KRT85: variants seen among roughly 807,000 people sequenced by gnomAD.
KRT85 encodes the protein keratin, type II cuticular Hb5.
A neutral mutation model predicts 53.7 loss-of-function variants in KRT85; 39 were observed. The observed-to-expected ratio is 0.73, with a 90% CI of 0.56 to 0.95. KRT85 has a LOEUF of 0.95. KRT85 is among the 40% of genes least tolerant of loss of function. The pLI is 0.00. For missense variants in KRT85, 668 were observed against 686.0 expected (o/e 0.97, Z 0.29); for synonymous variants, 291 against 277.5 (o/e 1.05, Z -0.48).
At position 52,360,667 on chromosome 12, in the gene KRT85, T is replaced by G; in HGVS notation, c.*186A>C. The G allele has an allele frequency of 1.5e-6, 1 of 645,256 alleles. No individual in the cohort carries two copies. 40.0% of individuals were successfully genotyped at this position (645,256 alleles called of 1,614,324 possible). A position where few individuals can be genotyped will look rare whatever the true frequency, so the allele number is the denominator to read the frequency against. ...ACAGCTGCCAGGAGGACAACTAGGA[T>G]GCATCTCCCTAGCATGAAAAGGCGC... On this transcript the variant is annotated 3_prime_UTR_variant, in exon 9 of 9. Transcript: ENST00000257901.
At chr12:52,361,721 T>C (rs1939193858) in intron 7 of KRT85, among the ~76,000 whole-genome samples, 1 of 152,234 alleles carries the variant, frequency 6.6e-6, no homozygotes, top group African/African-American at 2.4e-5. Flanking sequence ...TTATGAACAG[T>C]GCCCCTAGTT....
intron 7 of KRT85, 84 bp downstream of exon 7, chr12:52,362,167 A>G (rs1164759602): frequency 6.4e-7 from 1 of 1,573,358 alleles, no homozygotes; most frequent in Non-Finnish European, 8.7e-7. Context: ...CCAGAGTTGT[A>G]GCTCACACTC....
At chr12:52,366,634 T>C (rs1939274559) in intron 1 of KRT85, among the ~76,000 whole-genome samples, 1 of 151,888 alleles carries the variant, frequency 6.6e-6, no homozygotes, top group Admixed American at 6.6e-5. Context: ...CACACACATG[T>C]ACACACTCAC....
In KRT85 at chr12:52,360,142, C is replaced by T. The variant is rs1310195995; in HGVS notation, c.*711G>A. ...CCAGCTCTGCATTGGACAGTCCCCA[C>T]CTGCACCCAGCAAGGGGGCATCTGG... is the stretch of plus-strand genomic sequence containing the variant. On this transcript the variant is annotated 3_prime_UTR_variant, in exon 9 of 9. Coordinates refer to ENST00000257901, the MANE Select transcript of KRT85 (RefSeq NM_002283.4). The T allele has an allele frequency of 6.4e-6, 1 of 156,666 alleles. No individual in the cohort carries two copies. The highest frequency in any genetic ancestry group is 1.9e-4 in the East Asian group (1 of 5,240). 9.7% of individuals were successfully genotyped at this position (156,666 alleles called of 1,614,324 possible). A position where few individuals can be genotyped will look rare whatever the true frequency, so the allele number is the denominator to read the frequency against.
Position 52,364,070 on chromosome 12 carries a change from C to T in KRT85, c.784G>A (p.Glu262Lys). 1 of 1,613,432 alleles carries T rather than the reference C, an allele frequency of 6.2e-7. No individual in the cohort carries two copies. The highest frequency in any genetic ancestry group is 1.3e-5 in the African/African-American group (1 of 75,040). The change falls in exon 4 of 9, where the codon GAG becomes AAG. Residue 262 changes from glutamate (E) to lysine (K), a missense_variant and splice_region_variant. By Grantham distance (56) the Glu-to-Lys change is moderately conservative. This residue lies in a region of KRT85 where 488 missense variants were observed against 498.1 expected (regional missense o/e 0.98). Coordinates refer to ENST00000257901, the MANE Select transcript of KRT85 (RefSeq NM_002283.4). ...CTGGGTGGCAGTTGCCCCCTTACCT[C>T]TTCATAGAGGCGCCTCAGGAAGCTA... Reference protein sequence around the residue: ...ESSFLRRLYEEEIRVLQAHIS... With the variant: ...ESSFLRRLYEKEIRVLQAHIS...
Position 52,367,343 on chromosome 12 carries a change from G to A in KRT85, c.63C>T (p.Cys21=), listed in dbSNP as rs1242228208. The change falls in exon 1 of 9, where the codon TGC becomes TGT. Residue 21 remains cysteine, a synonymous_variant. Transcript: ENST00000257901. ...GCGVTRNFSS[C]SAVAPKTGNR... is the part of the protein sequence containing the mutation. ...TGCCAGTTTTGGGGGCCACAGCTGA[G>A]CAGGAGCTGAAGTTCCTGGTGACCC... 4 of 1,614,140 alleles carry A rather than the reference G, an allele frequency of 2.5e-6. No homozygotes were observed. The highest frequency in any genetic ancestry group is 3.4e-6 in the Non-Finnish European group (4 of 1,180,028).
chr12:52,362,742 C>T (rs1246106915), intron 6 of KRT85, 112 bp downstream of exon 6: 8 of 1,515,170 alleles, frequency 5.3e-6, no homozygotes, highest in Non-Finnish European at 6.4e-6. Flanking sequence ...ATGATAGAGC[C>T]CCTCCCTTCC....
At chr12:52,365,291 G>A (rs1391745869) in intron 1 of KRT85, 121 bp from the exon 2 acceptor site, 11 of 1,061,534 alleles carry the variant, frequency 1.0e-5, no homozygotes, top group East Asian at 2.6e-5. Context: ...GAGTGTCTGC[G>A]GCTCAAGGGG....
At position 52,362,472 on chromosome 12, in the gene KRT85, C is replaced by T. The variant is rs777286387; in HGVS notation, c.1078-1G>A. 3 of 1,614,068 alleles carry T rather than the reference C, an allele frequency of 1.9e-6. No individual in the cohort carries two copies. Among genetic ancestry groups the T allele is most frequent in the Middle Eastern group, 1.6e-4 (1 of 6,062 alleles). On this transcript the variant is annotated splice_acceptor_variant, in intron 6 of 8. Transcript: ENST00000257901. LOFTEE classifies it high-confidence loss of function. ...CCACAGCAGCCTCCAGCTTGGCACG[C>T]TATCAGGTGGAGATACAAGGGCCAG...
At chr12:52,362,821 G>T (rs1939212272) in intron 6 of KRT85, 33 bp downstream of exon 6, 2 of 1,614,128 alleles carry the variant, frequency 1.2e-6, no homozygotes, top group African/African-American at 1.3e-5. Flanking sequence ...CAGCCTGCCT[G>T]TGCTGCGTAT....
chr12:52,366,788 T>G (rs1685606561), intron 1 of KRT85, among the ~76,000 whole-genome samples, 198 bp downstream of exon 1: 1 of 152,130 alleles, frequency 6.6e-6, no homozygotes, highest in Non-Finnish European at 1.5e-5. Flanking sequence ...ACAGGCTCAA[T>G]TTCTAGACCA....
At chr12:52,363,448 C>G (rs757635544) in intron 4 of KRT85, 38 bp from the exon 5 acceptor site, 15 of 1,613,084 alleles carry the variant, frequency 9.3e-6, no homozygotes, top group Non-Finnish European at 1.3e-5. Context: ...CTTCTAGTGC[C>G]TGATCTGGGC....
chr12:52,365,117 G>C lies in KRT85; in HGVS notation c.474C>G (p.Tyr158Ter), dbSNP rs1939252929. 6.2e-7 allele frequency: 1 copy of C among 1,614,124 alleles called. No homozygotes were observed. The highest frequency in any genetic ancestry group is 8.5e-7 in the Non-Finnish European group (1 of 1,180,056). Residue 158 changes from tyrosine (Y) to a stop codon, truncating the protein, a stop_gained, in exon 2 of 9, where the codon TAC becomes TAG. Transcript: ENST00000257901. LOFTEE classifies it high-confidence loss of function. The part of the protein sequence containing the change: ...NKLLETKWQF[Y>*]QNQRCCESNL... ...TGCTCTCGCAGCAGCGCTGGTTCTG[G>C]TAGAACTGCCACTTGGTCTCCAGCA...
At position 52,367,367 on chromosome 12, in the gene KRT85, C is replaced by T; in HGVS notation, c.39G>A (p.Gly13=). 3.7e-6 allele frequency: 6 copies of T among 1,614,100 alleles called. No homozygotes were observed. Among genetic ancestry groups the T allele is most frequent in the Non-Finnish European group, 4.2e-6 (5 of 1,180,018 alleles). Residue 13 remains glycine, a synonymous_variant, in exon 1 of 9, where the codon GGG becomes GGA. Coordinates refer to ENST00000257901, the MANE Select transcript of KRT85 (RefSeq NM_002283.4). ...AGCAGGAGCTGAAGTTCCTGGTGACCCCGCATCCTGAGCTGATCCTGTAGG... is the reference window on the plus strand; with the variant it reads ...AGCAGGAGCTGAAGTTCCTGGTGACTCCGCATCCTGAGCTGATCCTGTAGG... ...CRSYRISSGC[G]VTRNFSSCSA... is the part of the protein sequence containing the mutation.
At position 52,367,413 on chromosome 12, in the gene KRT85, G is replaced by A. The variant is rs750028995; in HGVS notation, c.-8C>T. ...GTAGGAGCGGCACGACATCGTGTGA[G>A]GCTGAGCAGAGTCTGAGAGGCAGCG... is the stretch of plus-strand genomic sequence containing the variant. On this transcript the variant is annotated 5_prime_UTR_variant, in exon 1 of 9. Transcript: ENST00000257901. 4 of 1,613,950 alleles carry A rather than the reference G, an allele frequency of 2.5e-6. No homozygotes were observed. Among genetic ancestry groups the A allele is most frequent in the Admixed American group, 1.7e-5 (1 of 60,020 alleles).
Position 52,364,386 on chromosome 12 carries a change from G to T in KRT85, c.630-20C>A. 8.1e-6 allele frequency: 13 copies of T among 1,614,166 alleles called. No homozygotes were observed. Among genetic ancestry groups the T allele is most frequent in the Non-Finnish European group, 8.5e-6 (10 of 1,180,030 alleles). ...TCATACCTGGGTGTGGGAGAGAGAA[G>T]GTCTGGAGCTGAGAAACTGGACCTT... On this transcript the variant is annotated intron_variant, in intron 2 of 8. Coordinates refer to ENST00000257901, the MANE Select transcript of KRT85 (RefSeq NM_002283.4).
chr12:52,361,099 C>T, intron 8 of KRT85, 53 bp from the exon 9 acceptor site: 1 of 1,484,170 alleles, frequency 6.7e-7, no homozygotes, highest in South Asian at 1.2e-5. Context: ...ATCTCACCCA[C>T]CCTACAACAG....
chr12:52,365,001 A>T lies in KRT85; in HGVS notation c.590T>A (p.Leu197His). 6.2e-7 allele frequency: 1 copy of T among 1,612,954 alleles called. No individual in the cohort carries two copies. Among genetic ancestry groups the T allele is most frequent in the Non-Finnish European group, 8.5e-7 (1 of 1,179,978 alleles). ...EADSGRLASE[L>H]NHVQEVLEGY... is the part of the protein sequence containing the mutation. ...CTCCAGCACCTCCTGCACATGGTTG[A>T]GCTCTGAGGCCAGCCTCCCGCTGTC... Residue 197 changes from leucine (L) to histidine (H), a missense_variant, in exon 2 of 9, where the codon CTC becomes CAC. Coordinates refer to ENST00000257901, the MANE Select transcript of KRT85 (RefSeq NM_002283.4).
intron 4 of KRT85, 146 bp downstream of exon 4, chr12:52,363,922 G>A: frequency 1.3e-6 from 1 of 755,092 alleles, no homozygotes; most frequent in Non-Finnish European, 2.4e-6. Flanking sequence ...CTGTATTGTG[G>A]GCCCCAGCAC....
Sources: gnomAD v4.1 joint callset for allele counts (sites outside exome capture counted in the v4.1 genomes callset) on GRCh38, gnomAD v4.1.1 for gene constraint, gnomAD v4.1.1 regional missense constraint, MANE v1.5 for transcripts, NCBI Gene and HGNC (gene_info 2026-07-23, HGNC 2026-07-21) for gene names.